The following KIF13B variants were observed in gnomAD, a reference collection of about 807,000 sequenced individuals.
KIF13B encodes the protein kinesin family member 13B, also known as kinesin-like protein KIF13B.
Under a neutral mutation model 222.0 loss-of-function variants are expected in KIF13B, and 127 were observed. That is an observed-to-expected ratio of 0.57 (90% confidence interval 0.50 to 0.66). KIF13B has a LOEUF of 0.66. Among genes scored for constraint, KIF13B ranks in the 30% least tolerant of loss-of-function variants. KIF13B has a pLI of 0.00. For synonymous variants in KIF13B, 976 were observed against 919.0 expected, an observed-to-expected ratio of 1.06 and a Z score of -1.12; for missense variants, 2,173 against 2,379.0, an observed-to-expected ratio of 0.91 and a Z score of 1.80.
intron 2 of KIF13B, among the ~76,000 whole-genome samples, chr8:29,213,453 T>C (rs781507084): frequency 2.0e-4 from 31 of 152,206 alleles, no homozygotes; most frequent in Non-Finnish European, 4.3e-4. Context: ...AGGCATGCAT[T>C]GCTTAAGGAA....
chr8:29,124,039 GC>G lies in KIF13B; in HGVS notation c.3336del (p.Lys1112AsnfsTer24), dbSNP rs1809997296. 1 of 1,606,674 alleles carries G rather than the reference GC, an allele frequency of 6.2e-7. No homozygotes were observed. The highest frequency in any genetic ancestry group is 2.2e-5 in the East Asian group (1 of 44,826). ...RQEYLDQQLQ[K>X]LVSKRDKTED... Reference sequence around the variant, plus strand: ...TTTTTCCTACCACGTTTACTGACAAGCTTTTGCAATTGTTGATCCAAGTACT... The same window carrying G: ...TTTTTCCTACCACGTTTACTGACAAGTTTTGCAATTGTTGATCCAAGTACT... On this transcript the variant is annotated frameshift_variant, in exon 27 of 40. Transcript: ENST00000524189. LOFTEE classifies it high-confidence loss of function.
At chr8:29,230,040 C>G (rs1815215520) in intron 2 of KIF13B, among the ~76,000 whole-genome samples, 1 of 152,122 alleles carries the variant, frequency 6.6e-6, no homozygotes, top group African/African-American at 2.4e-5. Context: ...TAGCAGCTAC[C>G]ACCTACTAAG....
chr8:29,155,267 C>A lies in KIF13B; in HGVS notation c.1535+459G>T, dbSNP rs371029314. On this transcript the variant is annotated intron_variant, in intron 14 of 39. Transcript: ENST00000524189. ...AGCACTGCCACAACAGGGCGATGGTCCGATACCTCTTAAGGGCAGTGCATT... is the reference window on the plus strand; with the variant it reads ...AGCACTGCCACAACAGGGCGATGGTACGATACCTCTTAAGGGCAGTGCATT... Among the ~76,000 whole-genome samples the A allele has an allele frequency of 9.3e-4, 142 of 152,310 alleles. 3 individuals are homozygous for A. In the South Asian group the frequency reaches 0.021, roughly 22 times the overall value.
chr8:29,128,292 A>C (rs1357431184), intron 24 of KIF13B, among the ~76,000 whole-genome samples: 1 of 152,140 alleles, frequency 6.6e-6, no homozygotes, highest in Non-Finnish European at 1.5e-5. Context: ...TGGTTTATAA[A>C]TTTTAGAAAT....
intron 2 of KIF13B, among the ~76,000 whole-genome samples, chr8:29,223,481 A>C (rs144043234): frequency 6.2e-4 from 94 of 152,318 alleles, no homozygotes; most frequent in African/African-American, 2.1e-3. Flanking sequence ...AAAGTAACCA[A>C]GGGCGAATTT....
chr8:29,160,493 T>C (rs1229935179), intron 13 of KIF13B, among the ~76,000 whole-genome samples: 1 of 152,184 alleles, frequency 6.6e-6, no homozygotes, highest in East Asian at 1.9e-4. Context: ...ACAAATCACG[T>C]TAAATAATGG....
At chr8:29,243,533 G>A (rs944707562) in intron 2 of KIF13B, among the ~76,000 whole-genome samples, 1 of 151,886 alleles carries the variant, frequency 6.6e-6, no homozygotes, top group African/African-American at 2.4e-5. Flanking sequence ...GTGCACACCT[G>A]TAATCCCAGC....
intron 2 of KIF13B, among the ~76,000 whole-genome samples, chr8:29,241,262 GAAAGTGGAT>G (rs1815766175): frequency 6.6e-6 from 1 of 152,204 alleles, no homozygotes; most frequent in Admixed American, 6.5e-5. Context: ...TACAGAGACA[GAAAGTGGAT>G]TAATTAACAT....
At chr8:29,121,886 A>C (rs1809876033) in intron 29 of KIF13B, among the ~76,000 whole-genome samples, 1 of 152,196 alleles carries the variant, frequency 6.6e-6, no homozygotes, top group Admixed American at 6.5e-5. Context: ...TGCTAAGAAA[A>C]CACCACAAGA....
intron 35 of KIF13B, among the ~76,000 whole-genome samples, chr8:29,106,826 A>T (rs953055550): frequency 1.3e-5 from 2 of 152,058 alleles, no homozygotes. Context: ...TGTCTCTGTC[A>T]CGCTGCCTCG....
intron 2 of KIF13B, among the ~76,000 whole-genome samples, chr8:29,231,128 C>A (rs1015045979): frequency 2.0e-5 from 3 of 152,084 alleles, no homozygotes; most frequent in African/African-American, 7.2e-5. Context: ...GATTTGCCTG[C>A]CTCAGCCTCC....
intron 23 of KIF13B, 86 bp downstream of exon 23, chr8:29,132,222 G>A (rs1810375397): frequency 2.9e-6 from 3 of 1,046,524 alleles, no homozygotes; most frequent in Admixed American, 6.1e-5. Context: ...CTCCAGCCTG[G>A]GTGACAGAGT....
chr8:29,128,433 C>G (rs1165980387), intron 24 of KIF13B, among the ~76,000 whole-genome samples: 1 of 152,204 alleles, frequency 6.6e-6, no homozygotes, highest in Non-Finnish European at 1.5e-5. Context: ...ACCACTGATC[C>G]TATCAAACTC....
At position 29,126,470 on chromosome 8, in the gene KIF13B, G is replaced by A. The variant is rs1038809900; in HGVS notation, c.3252+12C>T. The A allele has an allele frequency of 6.6e-7, 1 of 1,517,034 alleles. No individual in the cohort carries two copies. Among genetic ancestry groups the A allele is most frequent in the African/African-American group, 1.4e-5 (1 of 73,494 alleles). 94.0% of individuals were successfully genotyped at this position (1,517,034 alleles called of 1,614,324 possible). A position where few individuals can be genotyped will look rare whatever the true frequency, so the allele number is the denominator to read the frequency against. ...TGCTTATTTGAGATGAGATTAACAG[G>A]TGCTAAATTACCTGGTAGCTGTCCA... On this transcript the variant is annotated intron_variant, in intron 26 of 39. Coordinates refer to ENST00000524189, the MANE Select transcript of KIF13B (RefSeq NM_015254.4).
intron 2 of KIF13B, among the ~76,000 whole-genome samples, chr8:29,197,379 A>T (rs1046131679): frequency 9.9e-5 from 15 of 150,910 alleles, no homozygotes; most frequent in South Asian, 2.1e-4. Flanking sequence ...TATACAGTCA[A>T]TGTAATCCTG....
At chr8:29,208,528 C>T (rs1814060744) in intron 2 of KIF13B, among the ~76,000 whole-genome samples, 1 of 152,044 alleles carries the variant, frequency 6.6e-6, no homozygotes, top group Non-Finnish European at 1.5e-5. Flanking sequence ...TTAAAATAGT[C>T]CAGAGTCTAT....
intron 29 of KIF13B, 92 bp from the exon 30 acceptor site, chr8:29,119,084 G>A: frequency 7.6e-7 from 1 of 1,319,918 alleles, no homozygotes; most frequent in East Asian, 2.4e-5. Flanking sequence ...CAATTCTTCT[G>A]CTTCAAATTT....
intron 14 of KIF13B, among the ~76,000 whole-genome samples, chr8:29,152,488 C>T (rs1472563884): frequency 6.6e-6 from 1 of 152,208 alleles, no homozygotes; most frequent in Non-Finnish European, 1.5e-5. Flanking sequence ...CCATCCCAAC[C>T]TTCAGCAAAA....
chr8:29,122,299 C>G (rs1269987014), intron 29 of KIF13B, among the ~76,000 whole-genome samples: 1 of 152,048 alleles, frequency 6.6e-6, no homozygotes, highest in Non-Finnish European at 1.5e-5. Flanking sequence ...ATTTTTAGTG[C>G]AGAAAAACAC....
Sources: gnomAD v4.1 joint callset for allele counts (sites outside exome capture counted in the v4.1 genomes callset) on GRCh38, gnomAD v4.1.1 for gene constraint, MANE v1.5 for transcripts, NCBI Gene and HGNC (gene_info 2026-07-23, HGNC 2026-07-21) for gene names.